The following EXOC4 variants were observed in gnomAD, a reference collection of about 807,000 sequenced individuals.
EXOC4 encodes the protein SEC8-like 1.
In EXOC4, 71 loss-of-function variants were observed where a neutral mutation model predicts 107.2. That is an observed-to-expected ratio of 0.66 (90% CI 0.55 to 0.81). EXOC4 has a LOEUF of 0.81. EXOC4 is among the 30% of genes least tolerant of loss of function. The probability of loss-of-function intolerance (pLI) is 0.00; values close to 1 mark genes in which losing one functional copy is unlikely to be tolerated. For missense variants in EXOC4, 1,108 were observed against 1,189.6 expected (o/e 0.93, Z 1.01); for synonymous variants, 456 against 441.2 (o/e 1.03, Z -0.42).
intron 11 of EXOC4, among the ~76,000 whole-genome samples, chr7:133,869,846 TA>T (rs2116388590): frequency 6.6e-6 from 1 of 152,296 alleles, no homozygotes; most frequent in East Asian, 1.9e-4. Context: ...TTTCCAATTA[TA>T]AGTGAGTACT....
At chr7:133,616,372 C>T (rs1802195321) in intron 9 of EXOC4, among the ~76,000 whole-genome samples, 1 of 152,042 alleles carries the variant, frequency 6.6e-6, no homozygotes, top group Non-Finnish European at 1.5e-5. Flanking sequence ...CTGCTAGTCA[C>T]AAAGATGCTG....
intron 11 of EXOC4, among the ~76,000 whole-genome samples, chr7:133,819,303 G>A (rs1197506964): frequency 7.5e-6 from 1 of 133,098 alleles, no homozygotes; most frequent in Admixed American, 7.9e-5. Context: ...CAAGATCCCA[G>A]ATAGATCTCC....
At chr7:133,782,501 A>G (rs538149303) in intron 10 of EXOC4, among the ~76,000 whole-genome samples, 209 of 152,298 alleles carry the variant, frequency 1.4e-3, no homozygotes, top group African/African-American at 4.5e-3. Context: ...CTCTTTTGCA[A>G]TAATCTGCTT....
chr7:133,576,819 ACTC>A (rs984843407), intron 9 of EXOC4: 2 of 1,289,198 alleles, frequency 1.6e-6, no homozygotes, highest in African/African-American at 1.5e-5. Context: ...GTTTTACTGA[ACTC>A]CTCGAGATTT....
intron 12 of EXOC4, among the ~76,000 whole-genome samples, chr7:133,916,344 C>T (rs971436702): frequency 6.6e-6 from 1 of 152,164 alleles, no homozygotes; most frequent in Non-Finnish European, 1.5e-5. Flanking sequence ...AGGACCAGTC[C>T]GTGGCCCAGG....
intron 9 of EXOC4, among the ~76,000 whole-genome samples, chr7:133,591,314 G>A (rs1351315907): frequency 6.6e-6 from 1 of 152,210 alleles, no homozygotes; most frequent in African/African-American, 2.4e-5. Context: ...ATTACAGGGT[G>A]AGCCTTGGCA....
intron 10 of EXOC4, among the ~76,000 whole-genome samples, chr7:133,724,259 A>G (rs1185852474): frequency 6.6e-6 from 1 of 152,160 alleles, no homozygotes; most frequent in Non-Finnish European, 1.5e-5. Flanking sequence ...TCACTTTTCC[A>G]GTTACTCCAA....
chr7:134,064,383 A>G lies in EXOC4; in HGVS notation c.2780A>G (p.His927Arg), dbSNP rs1796139105. 1 of 1,595,692 alleles carries G rather than the reference A, an allele frequency of 6.3e-7. No homozygotes were observed. The highest frequency in any genetic ancestry group is 1.3e-5 in the African/African-American group (1 of 74,118). The change falls in exon 18 of 18, where the codon CAC becomes CGC. Residue 927 changes from histidine (H) to arginine (R), a missense_variant. Physicochemically the swap from His to Arg is conservative, Grantham distance 29. Coordinates refer to ENST00000253861, the MANE Select transcript of EXOC4 (RefSeq NM_021807.4). ...AAGTACACGGAGCTGGAGTACATCCACGCTCTGACCCTGCTGCACCGCAGC... is the reference window on the plus strand; with the variant it reads ...AAGTACACGGAGCTGGAGTACATCCGCGCTCTGACCCTGCTGCACCGCAGC... ...GVKYTELEYIHALTLLHRSQT... is the reference protein window; with the variant it reads ...GVKYTELEYIRALTLLHRSQT...
chr7:133,970,572 C>T (rs1431189332), intron 14 of EXOC4, among the ~76,000 whole-genome samples: 1 of 152,096 alleles, frequency 6.6e-6, no homozygotes, highest in Admixed American at 6.5e-5. Context: ...AGCACAGTCC[C>T]TCACGGCTTC....
chr7:133,416,715 A>G (rs1005610469), intron 7 of EXOC4, among the ~76,000 whole-genome samples: 4 of 152,154 alleles, frequency 2.6e-5, no homozygotes, highest in Non-Finnish European at 5.9e-5. Flanking sequence ...ATAATTGAGG[A>G]AAACGTTTCA....
chr7:134,016,711 T>A (rs1223762075), intron 17 of EXOC4, among the ~76,000 whole-genome samples: 2 of 152,218 alleles, frequency 1.3e-5, no homozygotes, highest in African/African-American at 2.4e-5. Context: ...AATGTTGAAT[T>A]CCTCCCAGGG....
chr7:133,325,787 T>G (rs1286711377), intron 5 of EXOC4, among the ~76,000 whole-genome samples: 4 of 152,208 alleles, frequency 2.6e-5, no homozygotes, highest in African/African-American at 9.6e-5. Context: ...AGTTCTCCTG[T>G]ATAATTTCCT....
the EXOC4 span, among the ~76,000 whole-genome samples, chr7:134,091,739 T>C: frequency 1.3e-5 from 2 of 152,144 alleles, no homozygotes; most frequent in African/African-American, 2.4e-5. Context: ...TAAAGTCTGC[T>C]CCAGATCTTC....
At chr7:133,852,228 T>G (rs1231124930) in intron 11 of EXOC4, among the ~76,000 whole-genome samples, 3 of 145,426 alleles carry the variant, frequency 2.1e-5, no homozygotes, top group Non-Finnish European at 4.4e-5. Flanking sequence ...ATAGAGCATT[T>G]TTTTTTTTTT....
intron 10 of EXOC4, among the ~76,000 whole-genome samples, chr7:133,703,668 A>T (rs916217057): frequency 1.3e-5 from 2 of 152,324 alleles, no homozygotes; most frequent in South Asian, 4.1e-4. Context: ...TTCCTATCAT[A>T]ACAAATTACG....
At chr7:133,340,719 G>A (rs1259893267) in intron 5 of EXOC4, among the ~76,000 whole-genome samples, 1 of 151,780 alleles carries the variant, frequency 6.6e-6, no homozygotes, top group Admixed American at 6.6e-5. Context: ...TTATTGGTTT[G>A]TTGTGAGTTT....
At chr7:133,334,435 A>G (rs1584823280) in intron 5 of EXOC4, among the ~76,000 whole-genome samples, 1 of 152,166 alleles carries the variant, frequency 6.6e-6, no homozygotes, top group South Asian at 2.1e-4. Flanking sequence ...ACTCTACAAT[A>G]TATCCTGGAA....
At chr7:133,699,178 T>A (rs1354624209) in intron 10 of EXOC4, among the ~76,000 whole-genome samples, 1 of 152,198 alleles carries the variant, frequency 6.6e-6, no homozygotes, top group Non-Finnish European at 1.5e-5. Flanking sequence ...TTCTCTCTGT[T>A]TGGAATTCTC....
chr7:133,955,586 C>G (rs1800799082), intron 14 of EXOC4, among the ~76,000 whole-genome samples: 1 of 152,216 alleles, frequency 6.6e-6, no homozygotes, highest in Non-Finnish European at 1.5e-5. Flanking sequence ...AGCCTGGCCC[C>G]CAGGCTTCAG....
Sources: gnomAD v4.1 joint callset for allele counts (sites outside exome capture counted in the v4.1 genomes callset) on GRCh38, gnomAD v4.1.1 for gene constraint, MANE v1.5 for transcripts, NCBI Gene and HGNC (gene_info 2026-07-23, HGNC 2026-07-21) for gene names.